The following ZFYVE9 variants were observed in gnomAD, a reference collection of about 807,000 sequenced individuals.
ZFYVE9 encodes zinc finger FYVE-type containing 9.
In ZFYVE9, 43 loss-of-function variants were observed where a neutral mutation model predicts 126.7. The observed-to-expected ratio is 0.34, with a 90% CI of 0.27 to 0.44. The LOEUF is 0.44. ZFYVE9 is among the 20% of genes least tolerant of loss of function. The pLI, the probability that ZFYVE9 is intolerant of heterozygous loss-of-function variation, is 1.00. For missense variants in ZFYVE9, 1,476 were observed against 1,697.0 expected, an observed-to-expected ratio of 0.87 and a Z score of 2.29; for synonymous variants, 521 against 597.4, an observed-to-expected ratio of 0.87 and a Z score of 1.87.
intron 1 of ZFYVE9, among the ~76,000 whole-genome samples, chr1:52,195,902 C>T (rs773024677): frequency 6.6e-6 from 1 of 151,970 alleles, no homozygotes; most frequent in African/African-American, 2.4e-5. Context: ...AAGCAATTCT[C>T]CTGCCTCAGC....
chr1:52,179,001 C>T (rs932861038), intron 1 of ZFYVE9, among the ~76,000 whole-genome samples: 4 of 152,008 alleles, frequency 2.6e-5, no homozygotes, highest in African/African-American at 7.2e-5. Flanking sequence ...ACAGGGTCTC[C>T]CTTTGTTGCC....
At chr1:52,255,709 G>A (rs1319911394) in intron 4 of ZFYVE9, among the ~76,000 whole-genome samples, 12 of 152,028 alleles carry the variant, frequency 7.9e-5, no homozygotes, top group East Asian at 3.9e-4. Context: ...CTTGGGCAAC[G>A]TGGCAAAACT....
chr1:52,308,148 T>C (rs759327776), intron 13 of ZFYVE9, among the ~76,000 whole-genome samples: 24 of 152,230 alleles, frequency 1.6e-4, no homozygotes, highest in Non-Finnish European at 3.2e-4. Context: ...GTCTAATAAT[T>C]CCACTTCATA....
intron 1 of ZFYVE9, among the ~76,000 whole-genome samples, chr1:52,193,065 C>A (rs943377036): frequency 2.6e-5 from 4 of 151,968 alleles, no homozygotes; most frequent in African/African-American, 9.7e-5. Flanking sequence ...CTTATTGAAC[C>A]CCCATTTGAA....
At chr1:52,293,376 CA>C (rs376379860) in intron 10 of ZFYVE9, 76 bp from the exon 11 acceptor site, 111,862 of 595,168 alleles carry the variant, frequency 0.19, 24 homozygotes, top group East Asian at 0.22. Context: ...GACTCCGTCT[CA>C]AAAAAAAAAA....
intron 12 of ZFYVE9, among the ~76,000 whole-genome samples, chr1:52,296,302 T>G (rs528318158): frequency 6.6e-6 from 1 of 152,146 alleles, no homozygotes; most frequent in East Asian, 1.9e-4. Context: ...CTAGAAGTAA[T>G]ACATAAATAA....
chr1:52,210,570 A>C (rs948521455), intron 1 of ZFYVE9, among the ~76,000 whole-genome samples: 1 of 152,192 alleles, frequency 6.6e-6, no homozygotes, highest in Non-Finnish European at 1.5e-5. Flanking sequence ...TTTGAATTAC[A>C]CCAAAATGTA....
intron 4 of ZFYVE9, among the ~76,000 whole-genome samples, chr1:52,245,129 A>T (rs1572131094): frequency 6.6e-6 from 1 of 151,496 alleles, no homozygotes; most frequent in Non-Finnish European, 1.5e-5. Context: ...ACGCCACTGC[A>T]CTCCAGCCTG....
intron 1 of ZFYVE9, among the ~76,000 whole-genome samples, chr1:52,183,974 G>T (rs769642920): frequency 1.3e-5 from 2 of 150,720 alleles, no homozygotes; most frequent in South Asian, 4.2e-4. Flanking sequence ...GATTACAGGC[G>T]TGAGCCACCG....
Position 52,303,910 on chromosome 1 carries a change from C to G in ZFYVE9, c.3423C>G (p.Ser1141Arg). ...GGAAAACTAGCATCAAAATTCCCAG[C>G]AACAGATACAATGAGGTAAGATTTA... ...EVRKTSIKIP[S>R]NRYNEMMKAM... is the part of the protein sequence containing the mutation. The change falls in exon 13 of 19, where the codon AGC becomes AGG. Residue 1141 changes from serine (S) to arginine (R), a missense_variant. By Grantham distance (110) the Ser-to-Arg change is moderately radical. This residue lies in a region of ZFYVE9 where 669 missense variants were observed against 902.4 expected (regional missense o/e 0.74). Coordinates refer to ENST00000287727, the MANE Select transcript of ZFYVE9 (RefSeq NM_004799.4). The G allele has an allele frequency of 6.2e-7, 1 of 1,600,960 alleles. No individual in the cohort carries two copies.
chr1:52,206,813 G>A (rs1644982091), intron 1 of ZFYVE9, among the ~76,000 whole-genome samples: 1 of 152,162 alleles, frequency 6.6e-6, no homozygotes, highest in African/African-American at 2.4e-5. Context: ...GCCTCCCAAA[G>A]TGATGGGATT....
intron 11 of ZFYVE9, 58 bp from the exon 12 acceptor site, chr1:52,295,837 T>G (rs887067953): frequency 1.4e-6 from 2 of 1,413,124 alleles, no homozygotes; most frequent in Non-Finnish European, 2.0e-6. Flanking sequence ...TCATGAAATC[T>G]CTTTTACCAA....
intron 4 of ZFYVE9, among the ~76,000 whole-genome samples, chr1:52,244,921 G>GCCT (rs1572130897): frequency 6.6e-6 from 1 of 152,100 alleles, no homozygotes; most frequent in African/African-American, 2.4e-5. Context: ...ACTTTGGGAG[G>GCCT]CTGAGGCAAG....
At chr1:52,175,352 T>C (rs927546351) in intron 1 of ZFYVE9, among the ~76,000 whole-genome samples, 50 of 151,774 alleles carry the variant, frequency 3.3e-4, no homozygotes, top group African/African-American at 9.2e-4. Context: ...TTCTGGCTCG[T>C]AGAGTTTCTG....
At chr1:52,247,163 C>G (rs1645394746) in intron 4 of ZFYVE9, among the ~76,000 whole-genome samples, 2 of 152,126 alleles carry the variant, frequency 1.3e-5, no homozygotes, top group South Asian at 2.1e-4. Flanking sequence ...ACTGGTTGGG[C>G]TCCTTGGGAA....
intron 4 of ZFYVE9, among the ~76,000 whole-genome samples, chr1:52,255,806 G>C (rs920829615): frequency 6.6e-6 from 1 of 151,928 alleles, no homozygotes; most frequent in African/African-American, 2.4e-5. Context: ...AGTGAGCCGA[G>C]ATTGCATCAC....
chr1:52,195,822 T>C (rs182472310), intron 1 of ZFYVE9, among the ~76,000 whole-genome samples: 8 of 151,706 alleles, frequency 5.3e-5, no homozygotes, highest in Non-Finnish European at 1.2e-4. Flanking sequence ...AGGCAGAGTC[T>C]CACTCTGTCG....
At chr1:52,182,062 T>C (rs605958) in intron 1 of ZFYVE9, among the ~76,000 whole-genome samples, 146,008 of 150,730 alleles carry the variant, frequency 0.97, 70,720 homozygotes, top group East Asian at 1. Flanking sequence ...GGTCAGCCCC[T>C]CGCCCGGCCA....
In ZFYVE9 at chr1:52,300,609, A is replaced by AG. The variant is rs1646024248; in HGVS notation, c.3334-3212_3334-3211insG. Among the ~76,000 whole-genome samples the AG allele has an allele frequency of 2.0e-5, 3 of 149,758 alleles. No individual in the cohort carries two copies. In the East Asian group the frequency reaches 5.9e-4, roughly 29 times the overall value. On this transcript the variant is annotated intron_variant, in intron 12 of 18. Transcript: ENST00000287727. Reference sequence around the variant, plus strand: ...CAGTTTCAAAAGAAAAAGAAAAAAAATCTTGTAGATTTACCCATCTAGTTG... The same window carrying AG: ...CAGTTTCAAAAGAAAAAGAAAAAAAAGTCTTGTAGATTTACCCATCTAGTTG...
Sources: allele counts gnomAD v4.1 joint callset (sites outside exome capture counted in the v4.1 genomes callset), GRCh38; gene constraint gnomAD v4.1.1; regional missense constraint gnomAD v4.1.1; transcripts MANE v1.5; gene names NCBI Gene and HGNC (gene_info 2026-07-23, HGNC 2026-07-21).